ITFG2: variants seen among roughly 807,000 people sequenced by gnomAD.
ITFG2 encodes integrin alpha FG-GAP repeat containing 2, also known as KICSTOR complex protein ITFG2.
A neutral mutation model predicts 54.4 loss-of-function variants in ITFG2; 36 were observed. That is an observed-to-expected ratio of 0.66 (90% CI 0.51 to 0.87). ITFG2 has a LOEUF of 0.87. Among genes scored for constraint, ITFG2 ranks in the 40% least tolerant of loss-of-function variants. ITFG2 has a pLI of 0.00. For synonymous variants in ITFG2, 211 were observed against 225.4 expected (o/e 0.94, Z 0.57); for missense variants, 524 against 576.7 (o/e 0.91, Z 0.94).
chr12:2,847,396 C>T (rs548311286), intron 2 of ITFG2, among the ~76,000 whole-genome samples: 2 of 152,252 alleles, frequency 1.3e-5, no homozygotes, highest in South Asian at 2.1e-4. Context: ...CGGTGGCTCA[C>T]GCCTGTAATC....
intron 2 of ITFG2, chr12:2,854,966 A>G: frequency 6.5e-7 from 1 of 1,536,214 alleles, no homozygotes; most frequent in Non-Finnish European, 8.7e-7. Flanking sequence ...TCACTCCTCA[A>G]CTTGAGCTTC....
At position 2,837,456 on chromosome 12, in the gene ITFG2, C is replaced by T. The variant is rs59746201; in HGVS notation, n.146+500C>T. On this transcript the variant is annotated intron_variant and non_coding_transcript_variant, in intron 1 of 3. Coordinates refer to the ITFG2 transcript ENST00000537710. ...TCACGCCACTGCACTCCAGCCTAGGCGACAGAGAGAGACTCCGTCTCAAAA... is the reference window on the plus strand; with the variant it reads ...TCACGCCACTGCACTCCAGCCTAGGTGACAGAGAGAGACTCCGTCTCAAAA... Among the ~76,000 whole-genome samples, 601 of 150,930 alleles carry T rather than the reference C, an allele frequency of 4.0e-3. 7 individuals are homozygous for T. Among genetic ancestry groups the T allele is most frequent in the African/African-American group, 0.014 (575 of 41,034 alleles).
intron 1 of ITFG2, among the ~76,000 whole-genome samples, chr12:2,814,587 T>C (rs961313015): frequency 6.6e-6 from 1 of 152,150 alleles, no homozygotes; most frequent in African/African-American, 2.4e-5. Flanking sequence ...CTCAGCACTT[T>C]GGGAAGCTGA....
intron 4 of ITFG2, among the ~76,000 whole-genome samples, chr12:2,818,950 G>A (rs1218722461): frequency 2.0e-5 from 3 of 151,572 alleles, no homozygotes; most frequent in African/African-American, 7.3e-5. Context: ...CCCGGGAGAC[G>A]GATGTTGCAG....
Position 2,823,765 on chromosome 12 carries a change from TC to T in ITFG2, c.1067-3del, listed in dbSNP as rs1333267647. The stretch of plus-strand genomic sequence containing the variant: ...GACCTTTATCTCCCTGCCAACATCT[TC>T]CAGGCCTGTACGCCTGCAAAGAGGG... On this transcript the variant is annotated splice_polypyrimidine_tract_variant and splice_region_variant and intron_variant, in intron 10 of 11. Coordinates refer to ENST00000228799, the MANE Select transcript of ITFG2 (RefSeq NM_018463.4). 1 of 1,545,064 alleles carries T rather than the reference TC, an allele frequency of 6.5e-7. No individual in the cohort carries two copies. Among genetic ancestry groups the T allele is most frequent in the African/African-American group, 1.4e-5 (1 of 73,054 alleles).
At chr12:2,856,398 CTT>C (rs1304348125) in intron 2 of ITFG2, among the ~76,000 whole-genome samples, 1 of 152,194 alleles carries the variant, frequency 6.6e-6, no homozygotes, top group Non-Finnish European at 1.5e-5. Flanking sequence ...GAGTTTCACT[CTT>C]GTTACCCAGG....
intron 1 of ITFG2, among the ~76,000 whole-genome samples, chr12:2,815,424 G>T (rs2153923338): frequency 6.6e-6 from 1 of 152,328 alleles, no homozygotes; most frequent in Admixed American, 6.5e-5. Context: ...CCCTTCTCTA[G>T]AGCTTAGCCA....
chr12:2,846,866 A>T (rs2098054687), intron 2 of ITFG2, among the ~76,000 whole-genome samples: 1 of 152,116 alleles, frequency 6.6e-6, no homozygotes, highest in African/African-American at 2.4e-5. Flanking sequence ...GCTCTACAAG[A>T]GTTCGATGTA....
chr12:2,829,295 A>T (rs2097987579), downstream of ITFG2, among the ~76,000 whole-genome samples: 1 of 132,242 alleles, frequency 7.6e-6, no homozygotes, highest in African/African-American at 3.6e-5. Flanking sequence ...CTACTTTGGG[A>T]CATAGACATT....
intron 5 of ITFG2, 66 bp from the exon 6 acceptor site, chr12:2,820,658 G>A: frequency 4.2e-6 from 1 of 236,938 alleles, no homozygotes. Context: ...ACCGCCCCCT[G>A]CCGTTCTCTG....
chr12:2,826,797 T>TAGATCTCGGTGGTC, downstream of ITFG2: 1 of 237,182 alleles, frequency 4.2e-6, no homozygotes, highest in Non-Finnish European at 8.0e-6. Flanking sequence ...CCAGAAGGTG[T>TAGATCTCGGTGGTC]GGTGAGAGAC....
intron 2 of ITFG2, among the ~76,000 whole-genome samples, chr12:2,847,464 G>C (rs570703283): frequency 1.3e-5 from 2 of 152,128 alleles, no homozygotes; most frequent in East Asian, 1.9e-4. Context: ...TCAGGAGATC[G>C]AGCCCATCCT....
At chr12:2,818,491 G>A in intron 4 of ITFG2, 3 of 849,814 alleles carry the variant, frequency 3.5e-6, no homozygotes, top group Non-Finnish European at 5.3e-6. Context: ...GCCTTATTAT[G>A]AAGAAACAGA....
intron 3 of ITFG2, 55 bp downstream of exon 3, chr12:2,818,005 A>G: frequency 6.2e-7 from 1 of 1,610,486 alleles, no homozygotes; most frequent in Non-Finnish European, 8.5e-7. Flanking sequence ...AAATCAGTTG[A>G]AGGTTAAAGG....
chr12:2,815,596 C>T (rs1465879200), intron 1 of ITFG2, among the ~76,000 whole-genome samples: 1 of 152,240 alleles, frequency 6.6e-6, no homozygotes, highest in Non-Finnish European at 1.5e-5. Flanking sequence ...TTATTTGGCC[C>T]CTGATTAAAC....
rs189939224 is a variant in ITFG2, at chr12:2,842,379, C to A, written n.300+1384C>A. The stretch of plus-strand genomic sequence containing the variant: ...CTCGTAATCCACCCGCCTCGGCCTC[C>A]CAAAGTGCTGGGATTACAGGCATGA... On this transcript the variant is annotated intron_variant and non_coding_transcript_variant, in intron 2 of 3. Transcript: ENST00000537710. Among the ~76,000 whole-genome samples the A allele has an allele frequency of 2.0e-3, 299 of 151,558 alleles. 4 individuals are homozygous for A. In the East Asian group the frequency reaches 0.042, roughly 21 times the overall value.
intron 2 of ITFG2, among the ~76,000 whole-genome samples, chr12:2,842,865 T>C (rs1237775103): frequency 6.6e-6 from 1 of 152,206 alleles, no homozygotes; most frequent in East Asian, 1.9e-4. Context: ...GGAAGTTCTT[T>C]TTTAATCTAA....
At chr12:2,850,275 A>G (rs912395384) in intron 2 of ITFG2, among the ~76,000 whole-genome samples, 2 of 152,056 alleles carry the variant, frequency 1.3e-5, no homozygotes, top group African/African-American at 4.8e-5. Context: ...AGAGTTCGAG[A>G]CCAGCCTGGC....
At chr12:2,816,328 GC>G (rs2097921382) in intron 1 of ITFG2, among the ~76,000 whole-genome samples, 1 of 134,924 alleles carries the variant, frequency 7.4e-6, no homozygotes, top group South Asian at 2.6e-4. Context: ...ACCGCACACA[GC>G]CTTTTTTTTT....
Sources: allele counts gnomAD v4.1 joint callset (sites outside exome capture counted in the v4.1 genomes callset), GRCh38; gene constraint gnomAD v4.1.1; transcripts MANE v1.5; gene names NCBI Gene and HGNC (gene_info 2026-07-23, HGNC 2026-07-21).